The following SLC18B1 variants were observed in gnomAD, a reference collection of about 807,000 sequenced individuals.
SLC18B1 encodes solute carrier family 18 member B1.
Under a neutral mutation model 53.9 loss-of-function variants are expected in SLC18B1, and 62 were observed. The ratio of observed to expected loss-of-function variants is 1.15; its 90% confidence interval spans 0.94 to 1.42. The LOEUF (loss-of-function observed/expected upper bound fraction) is 1.42. Ranked by LOEUF, SLC18B1 falls within the 40% of genes most tolerant of loss-of-function variation. The pLI is 0.00. For synonymous variants in SLC18B1, 217 were observed against 200.9 expected (o/e 1.08, Z -0.68); for missense variants, 598 against 547.3 (o/e 1.09, Z -0.93).
At chr6:132,772,705 T>G (rs1401832001) in intron 10 of SLC18B1, among the ~76,000 whole-genome samples, 2 of 152,176 alleles carry the variant, frequency 1.3e-5, no homozygotes, top group African/African-American at 2.4e-5. Context: ...AGAGGAACAA[T>G]GCTGAGACCT....
chr6:132,787,123 C>T (rs371135813), intron 5 of SLC18B1, among the ~76,000 whole-genome samples: 6 of 151,950 alleles, frequency 3.9e-5, no homozygotes, highest in Admixed American at 1.3e-4. Flanking sequence ...ATCTAGGCTA[C>T]GGGGAGACAG....
chr6:132,785,897 C>CAAAAAAAAAAAAAAAAAAAA (rs71545048), intron 5 of SLC18B1, among the ~76,000 whole-genome samples: 23 of 81,126 alleles, frequency 2.8e-4, no homozygotes, highest in East Asian at 4.2e-4. Context: ...CCTGTCTCTA[C>CAAAAAAAAAAAAAAAAAAAA]AAAAAAAAAA....
At chr6:132,773,538 T>C (rs1318434471) in intron 9 of SLC18B1, among the ~76,000 whole-genome samples, 3 of 152,218 alleles carry the variant, frequency 2.0e-5, no homozygotes, top group Admixed American at 2.0e-4. Flanking sequence ...ACTATGCCAG[T>C]TACTTAATAT....
At chr6:132,778,359 C>T (rs1161765317) in intron 7 of SLC18B1, among the ~76,000 whole-genome samples, 1 of 152,132 alleles carries the variant, frequency 6.6e-6, no homozygotes, top group Non-Finnish European at 1.5e-5. Flanking sequence ...ATAATACTCT[C>T]TAAATCTTGG....
intron 2 of SLC18B1, among the ~76,000 whole-genome samples, chr6:132,790,954 C>G (rs1781508310): frequency 6.6e-6 from 1 of 152,184 alleles, no homozygotes. Context: ...AAATTTGCTA[C>G]AGATAATATT....
Position 132,784,052 on chromosome 6 carries a change from A to G in SLC18B1, c.539T>C (p.Leu180Pro). ...CAAAAAGCCACCTACAGGAGGACCT[A>G]GTATTAGCCCCAGTCCAGAAAAAGT... ...LETFSGLGLILGPPVGGFLYQ... is the reference protein window; with the variant it reads ...LETFSGLGLIPGPPVGGFLYQ... The change falls in exon 6 of 14, where the codon CTA becomes CCA. Residue 180 changes from leucine to proline, a missense_variant. By Grantham distance (98) the Leu-to-Pro change is moderately conservative. Transcript: ENST00000275227. The G allele has an allele frequency of 6.2e-7, 1 of 1,604,450 alleles. No individual in the cohort carries two copies. Among genetic ancestry groups the G allele is most frequent in the Non-Finnish European group, 8.5e-7 (1 of 1,176,536 alleles).
chr6:132,784,062 C>A lies in SLC18B1; in HGVS notation c.529G>T (p.Gly177Trp), dbSNP rs1358820489. 2 of 1,578,452 alleles carry A rather than the reference C, an allele frequency of 1.3e-6. No homozygotes were observed. Among genetic ancestry groups the A allele is most frequent in the Non-Finnish European group, 8.6e-7 (1 of 1,167,140 alleles). Residue 177 changes from glycine (G) to tryptophan (W), a missense_variant, in exon 6 of 14, where the codon GGG (glycine) becomes TGG (tryptophan). Physicochemically the swap from Gly to Trp is radical, Grantham distance 184. Transcript: ENST00000275227. The part of the protein sequence containing the change: ...LGSLETFSGL[G>W]LILGPPVGGF... ...CCTACAGGAGGACCTAGTATTAGCC[C>A]CAGTCCAGAAAAAGTCTCAAGACTT...
At chr6:132,795,259 A>T (rs112718023) in intron 2 of SLC18B1, among the ~76,000 whole-genome samples, 3 of 151,756 alleles carry the variant, frequency 2.0e-5, no homozygotes, top group African/African-American at 7.3e-5. Flanking sequence ...ATATTTTTTC[A>T]CTCCCAAAGG....
At chr6:132,774,095 G>C in intron 9 of SLC18B1, 127 bp downstream of exon 9, 1 of 541,826 alleles carries the variant, frequency 1.8e-6, no homozygotes, top group Non-Finnish European at 3.2e-6. Context: ...CAATTCAATA[G>C]AGTCCTAAAG....
chr6:132,795,922 C>T (rs912360072), intron 2 of SLC18B1, among the ~76,000 whole-genome samples: 2 of 152,066 alleles, frequency 1.3e-5, no homozygotes, highest in African/African-American at 4.8e-5. Flanking sequence ...GAATATGGAG[C>T]GGGGCCGGGG....
rs556902967 is a variant in SLC18B1, at chr6:132,785,643, T to A, written c.502-1554A>T. ...CAGAAACTTGGTACAGCAACATTGG[T>A]GTCTCTTGCTGATCAGAAAATCCAA... On this transcript the variant is annotated intron_variant, in intron 5 of 13. Transcript: ENST00000275227. Among the ~76,000 whole-genome samples the A allele has an allele frequency of 1.2e-3, 179 of 152,268 alleles. 2 individuals carry two copies. The highest frequency in any genetic ancestry group is 4.1e-3 in the African/African-American group (170 of 41,560).
chr6:132,771,116 G>C lies in SLC18B1; in HGVS notation c.1174C>G (p.Pro392Ala), dbSNP rs143370919. Residue 392 changes from proline (P) to alanine (A), a missense_variant, in exon 12 of 14, where the codon CCA (proline) becomes GCA (alanine). Transcript: ENST00000275227. ...TCATACAGAAATCCACCCAGCGTTG[G>C]TCCCATAAAAGCACTAACAATAGAA... Reference protein sequence around the residue: ...AMWSIGAFMGPTLGGFLYEKI... With the variant: ...AMWSIGAFMGATLGGFLYEKI... 3.9e-5 allele frequency: 63 copies of C among 1,613,846 alleles called. No individual in the cohort carries two copies. The highest frequency in any genetic ancestry group is 5.1e-5 in the Non-Finnish European group (60 of 1,179,984).
intron 9 of SLC18B1, 98 bp from the exon 10 acceptor site, chr6:132,773,186 A>C: frequency 1.3e-6 from 1 of 747,360 alleles, no homozygotes; most frequent in Non-Finnish European, 2.2e-6. Flanking sequence ...ATCCCTGATA[A>C]GTTATTTCAC....
At chr6:132,780,541 G>C (rs1387901160) in intron 6 of SLC18B1, among the ~76,000 whole-genome samples, 1 of 145,966 alleles carries the variant, frequency 6.9e-6, no homozygotes, top group Non-Finnish European at 1.5e-5. Flanking sequence ...GGATATAAGA[G>C]ATAAAAGTTA....
intron 5 of SLC18B1, among the ~76,000 whole-genome samples, chr6:132,786,860 C>T (rs1781392462): frequency 6.6e-6 from 1 of 152,166 alleles, no homozygotes; most frequent in South Asian, 2.1e-4. Flanking sequence ...AATACCAGGT[C>T]TATACGCATC....
In SLC18B1 at chr6:132,790,275, T is replaced by G. The variant is rs564264807; in HGVS notation, c.184-3A>C. Reference sequence around the variant, plus strand: ...TTGCTGGCTCCCTTCTTTTCAGCCTTTAAGTAATAGAAACGGAAACAAAGT... The same window carrying G: ...TTGCTGGCTCCCTTCTTTTCAGCCTGTAAGTAATAGAAACGGAAACAAAGT... On this transcript the variant is annotated splice_polypyrimidine_tract_variant and splice_region_variant and intron_variant, in intron 2 of 13. Coordinates refer to ENST00000275227, the MANE Select transcript of SLC18B1 (RefSeq NM_052831.3). The G allele has an allele frequency of 6.5e-7, 1 of 1,528,014 alleles. No homozygotes were observed. Among genetic ancestry groups the G allele is most frequent in the East Asian group, 2.4e-5 (1 of 42,512 alleles). 94.7% of individuals were successfully genotyped at this position (1,528,014 alleles called of 1,614,324 possible).
At chr6:132,778,297 A>G (rs1335305776) in intron 7 of SLC18B1, among the ~76,000 whole-genome samples, 1 of 152,122 alleles carries the variant, frequency 6.6e-6, no homozygotes, top group African/African-American at 2.4e-5. Flanking sequence ...GCTTGGGCTC[A>G]GAAGCCTGAC....
chr6:132,796,077 G>T (rs1316748110), intron 2 of SLC18B1, among the ~76,000 whole-genome samples: 1 of 152,046 alleles, frequency 6.6e-6, no homozygotes, highest in African/African-American at 2.4e-5. Flanking sequence ...GGCCGGGCAC[G>T]GTGACTCACG....
Position 132,797,025 on chromosome 6 carries a change from G to C in SLC18B1, c.140C>G (p.Ser47Cys). ...LISAASVNLGSMMCYSILGPF... is the reference protein window; with the variant it reads ...LISAASVNLGCMMCYSILGPF... ...TCCAAGTATAGAATAGCACATCATG[G>C]AACCTAAGTTCACCGAAGCTGCCGA... The change falls in exon 2 of 14, where the codon TCC (serine) becomes TGC (cysteine). Residue 47 changes from serine to cysteine, a missense_variant. By Grantham distance (112) the Ser-to-Cys change is moderately radical (BLOSUM62 -1). Coordinates refer to ENST00000275227, the MANE Select transcript of SLC18B1 (RefSeq NM_052831.3). The C allele has an allele frequency of 6.2e-7, 1 of 1,614,128 alleles. No homozygotes were observed. Among genetic ancestry groups the C allele is most frequent in the Non-Finnish European group, 8.5e-7 (1 of 1,180,014 alleles).
Sources: allele counts gnomAD v4.1 joint callset (sites outside exome capture counted in the v4.1 genomes callset), GRCh38; gene constraint gnomAD v4.1.1; transcripts MANE v1.5; gene names NCBI Gene and HGNC (gene_info 2026-07-23, HGNC 2026-07-21).